Variants in ADRA1B observed in about 807,000 individuals in gnomAD.
ADRA1B encodes the protein adrenoceptor alpha 1B.
In ADRA1B, 17 loss-of-function variants were observed where a neutral mutation model predicts 17.9. The ratio of observed to expected loss-of-function variants is 0.95; its 90% CI spans 0.65 to 1.42. The LOEUF (loss-of-function observed/expected upper bound fraction) is 1.42, where lower values mean the gene tolerates loss of function less well. ADRA1B is among the 40% of genes most tolerant of loss of function. The probability of loss-of-function intolerance (pLI) is 0.00; values close to 1 mark genes in which losing one functional copy is unlikely to be tolerated. For synonymous variants in ADRA1B, 366 were observed against 327.6 expected, an observed-to-expected ratio of 1.12 and a Z score of -1.27; for missense variants, 681 against 722.1, an observed-to-expected ratio of 0.94 and a Z score of 0.65.
intron 1 of ADRA1B, among the ~76,000 whole-genome samples, chr5:159,934,778 A>G (rs1296296736): frequency 2.0e-5 from 3 of 150,436 alleles, no homozygotes; most frequent in Non-Finnish European, 4.4e-5. Context: ...AGATTGCACC[A>G]CTGCACTCCA....
chr5:159,948,070 C>T, intron 1 of ADRA1B: 13 of 985,446 alleles, frequency 1.3e-5, no homozygotes, highest in Non-Finnish European at 1.6e-5. Context: ...AACTTGGAAT[C>T]CTGACTGCAG....
chr5:159,953,519 C>T (rs536825738), intron 1 of ADRA1B, among the ~76,000 whole-genome samples: 3 of 152,284 alleles, frequency 2.0e-5, no homozygotes, highest in African/African-American at 7.2e-5. Context: ...TCACAAGTCT[C>T]CAGTCTGTGG....
At chr5:159,880,397 A>G (rs529262037) in intron 1 of ADRA1B, among the ~76,000 whole-genome samples, 5 of 152,272 alleles carry the variant, frequency 3.3e-5, no homozygotes, top group Non-Finnish European at 7.4e-5. Flanking sequence ...TTCCCATCCC[A>G]CTTTTCAAAG....
At chr5:159,927,205 C>T (rs1754680934) in intron 1 of ADRA1B, among the ~76,000 whole-genome samples, 1 of 152,256 alleles carries the variant, frequency 6.6e-6, no homozygotes, top group East Asian at 1.9e-4. Context: ...TACATTCCCT[C>T]ACCCTCTAGC....
At chr5:159,969,945 A>C (rs190372785) in intron 1 of ADRA1B, among the ~76,000 whole-genome samples, 90 of 152,218 alleles carry the variant, frequency 5.9e-4, no homozygotes, top group Non-Finnish European at 9.4e-4. Context: ...TAAAAAAAAA[A>C]CACATTTTTA....
chr5:159,883,095 C>G lies in ADRA1B; in HGVS notation c.-256+17889C>G, dbSNP rs1224321575. Among the ~76,000 whole-genome samples the G allele has an allele frequency of 4.6e-5, 7 of 152,178 alleles. No homozygotes were observed. The East Asian group carries it at 1.3e-3, about 29-fold the overall frequency. On this transcript the variant is annotated intron_variant, in intron 1 of 2. Transcript: ENST00000641205. ...CCAAGCCACCATGTTTACTGTTACC[C>G]TTAAGGCAAGTCTTAACTTGTCACT...
At chr5:159,939,301 G>A (rs1755049413) in intron 1 of ADRA1B, among the ~76,000 whole-genome samples, 1 of 142,958 alleles carries the variant, frequency 7.0e-6, no homozygotes, top group African/African-American at 2.6e-5. Flanking sequence ...GTGTGTGTGT[G>A]TGTGTGTGTG....
At chr5:159,878,862 ATCT>A (rs1753828171) in intron 1 of ADRA1B, among the ~76,000 whole-genome samples, 1 of 152,148 alleles carries the variant, frequency 6.6e-6, no homozygotes, top group Admixed American at 6.5e-5. Flanking sequence ...ATCAACTAAC[ATCT>A]TCTCTGTGCT....
At chr5:159,917,880 G>A (rs1581032124) in intron 1 of ADRA1B, 26 bp downstream of exon 1, 1 of 1,561,426 alleles carries the variant, frequency 6.4e-7, no homozygotes, top group South Asian at 1.2e-5. Flanking sequence ...GCAGCAGGGG[G>A]ACTGGGCATT....
At chr5:159,917,993 C>G (rs1473023858) in intron 1 of ADRA1B, 139 bp downstream of exon 1, 16 of 836,920 alleles carry the variant, frequency 1.9e-5, no homozygotes, top group Non-Finnish European at 2.6e-5. Context: ...ATTGTTTGTT[C>G]TGCAAAGGGT....
At chr5:159,909,147 T>C (rs1350391885) in intron 1 of ADRA1B, among the ~76,000 whole-genome samples, 1 of 152,172 alleles carries the variant, frequency 6.6e-6, no homozygotes, top group Non-Finnish European at 1.5e-5. Context: ...ACAATGAAGA[T>C]GGGCAAAGGA....
chr5:159,943,168 C>A (rs544563974), intron 1 of ADRA1B, among the ~76,000 whole-genome samples: 3 of 151,114 alleles, frequency 2.0e-5, no homozygotes, highest in Non-Finnish European at 4.4e-5. Flanking sequence ...GGCGAGATTG[C>A]GCCACTGTAC....
chr5:159,958,344 T>C (rs1702330628), intron 1 of ADRA1B, among the ~76,000 whole-genome samples: 1 of 152,202 alleles, frequency 6.6e-6, no homozygotes, highest in African/African-American at 2.4e-5. Flanking sequence ...CCCACAAGCA[T>C]TGAAATGGCA....
chr5:159,943,046 T>C (rs1755176595), intron 1 of ADRA1B, among the ~76,000 whole-genome samples: 1 of 152,110 alleles, frequency 6.6e-6, no homozygotes, highest in African/African-American at 2.4e-5. Flanking sequence ...ACCCCGTCTC[T>C]ACTAAAAATA....
intron 1 of ADRA1B, among the ~76,000 whole-genome samples, chr5:159,958,916 G>C (rs1437947479): frequency 6.6e-6 from 1 of 152,220 alleles, no homozygotes; most frequent in Non-Finnish European, 1.5e-5. Flanking sequence ...TGGCATCAAA[G>C]ATGGAAGCTT....
chr5:159,905,031 T>A (rs1395785087), intron 1 of ADRA1B, among the ~76,000 whole-genome samples: 1 of 152,206 alleles, frequency 6.6e-6, no homozygotes, highest in Non-Finnish European at 1.5e-5. Context: ...CAAGTCACTA[T>A]CCAGCGTTAG....
chr5:159,891,060 AC>A (rs956295720), intron 1 of ADRA1B, among the ~76,000 whole-genome samples: 2 of 151,560 alleles, frequency 1.3e-5, no homozygotes, highest in Non-Finnish European at 2.9e-5. Flanking sequence ...TCCTACACCT[AC>A]CCCCCCTCTA....
Position 159,917,463 on chromosome 5 carries a change from G to A in ADRA1B, c.558G>A (p.Glu186=). The A allele has an allele frequency of 6.2e-7, 1 of 1,614,182 alleles. No homozygotes were observed. Among genetic ancestry groups the A allele is most frequent in the Non-Finnish European group, 8.5e-7 (1 of 1,180,042 alleles). The part of the protein sequence containing the change: ...ISIGPLLGWK[E]PAPNDDKECG... ...TCGGGCCTCTCCTTGGGTGGAAGGAGCCGGCACCCAACGATGACAAGGAGT... is the reference window on the plus strand; with the variant it reads ...TCGGGCCTCTCCTTGGGTGGAAGGAACCGGCACCCAACGATGACAAGGAGT... The change falls in exon 1 of 2, where the codon GAG becomes GAA. Residue 186 remains glutamate, a synonymous_variant. Coordinates refer to ENST00000306675, the MANE Select transcript of ADRA1B (RefSeq NM_000679.4).
intron 1 of ADRA1B, 108 bp downstream of exon 1, chr5:159,917,962 C>A: frequency 1.0e-6 from 1 of 975,030 alleles, no homozygotes; most frequent in African/African-American, 1.6e-5. Context: ...GCAGTCTGTG[C>A]GTGTTCGGAG....
Sources: allele counts gnomAD v4.1 joint callset (sites outside exome capture counted in the v4.1 genomes callset), GRCh38; gene constraint gnomAD v4.1.1; transcripts MANE v1.5; gene names NCBI Gene and HGNC (gene_info 2026-07-23, HGNC 2026-07-21).